Variants in ATP10D observed in about 807,000 individuals in gnomAD.
ATP10D encodes ATPase phospholipid transporting 10D (putative).
In ATP10D, 89 loss-of-function variants were observed where a neutral mutation model predicts 144.8. The ratio of observed to expected loss-of-function variants is 0.61; its 90% CI spans 0.52 to 0.73. ATP10D has a LOEUF of 0.73. Among genes scored for constraint, ATP10D ranks in the 30% least tolerant of loss-of-function variants. The pLI is 0.00. For synonymous variants in ATP10D, 571 were observed against 615.1 expected (o/e 0.93, Z 1.06); for missense variants, 1,603 against 1,714.8 (o/e 0.93, Z 1.15).
chr4:47,507,461 T>A (rs1716078616), intron 1 of ATP10D, among the ~76,000 whole-genome samples: 1 of 152,176 alleles, frequency 6.6e-6, no homozygotes, highest in Non-Finnish European at 1.5e-5. Flanking sequence ...CTTTCAGGCC[T>A]GGAGAAGCAG....
chr4:47,513,760 G>T (rs1283520236), intron 2 of ATP10D, among the ~76,000 whole-genome samples: 1 of 152,198 alleles, frequency 6.6e-6, no homozygotes, highest in Non-Finnish European at 1.5e-5. Flanking sequence ...TCAGGATAAA[G>T]AGTTGAGGGC....
intron 1 of ATP10D, among the ~76,000 whole-genome samples, chr4:47,491,658 G>C (rs1231247912): frequency 1.3e-5 from 2 of 152,068 alleles, no homozygotes; most frequent in Non-Finnish European, 2.9e-5. Context: ...ATTTGTACTT[G>C]AAACTGCTGC....
intron 11 of ATP10D, 116 bp from the exon 12 acceptor site, chr4:47,557,548 T>C: frequency 9.5e-7 from 1 of 1,054,846 alleles, no homozygotes; most frequent in Non-Finnish European, 1.3e-6. Flanking sequence ...AATGGGCTGC[T>C]AGCCATTTAA....
intron 16 of ATP10D, 49 bp from the exon 17 acceptor site, chr4:47,572,105 C>A: frequency 3.9e-6 from 6 of 1,552,154 alleles, no homozygotes; most frequent in Non-Finnish European, 5.3e-6. Context: ...CATTTACACC[C>A]TTTCTTTACT....
intron 1 of ATP10D, among the ~76,000 whole-genome samples, chr4:47,493,250 C>A (rs1447017682): frequency 6.6e-6 from 1 of 152,120 alleles, no homozygotes; most frequent in Non-Finnish European, 1.5e-5. Context: ...GCATAAAAAT[C>A]ATATTTAATG....
At chr4:47,531,167 AT>A (rs1717549617) in intron 5 of ATP10D, among the ~76,000 whole-genome samples, 1 of 152,168 alleles carries the variant, frequency 6.6e-6, no homozygotes, top group Non-Finnish European at 1.5e-5. Context: ...TCTTTTATTA[AT>A]GATTCAATTT....
At chr4:47,526,237 T>C (rs916958580) in intron 5 of ATP10D, among the ~76,000 whole-genome samples, 3 of 152,176 alleles carry the variant, frequency 2.0e-5, no homozygotes, top group Non-Finnish European at 4.4e-5. Context: ...TCCCCAAAAA[T>C]CAGGTTTGGT....
chr4:47,582,039 A>T lies in ATP10D; in HGVS notation c.3728A>T (p.His1243Leu), dbSNP rs765901941. ...NTAALFIVLL[H>L]LVIESKSLTW... ...GCCGCTCTGTTCATCGTTCTCCTCC[A>T]TCTGGTCATTGAAAGCAAGAGTTTG... The change falls in exon 21 of 23, where the codon CAT (histidine) becomes CTT (leucine). Residue 1243 changes from histidine (H) to leucine (L), a missense_variant. Coordinates refer to ENST00000273859, the MANE Select transcript of ATP10D (RefSeq NM_020453.4). 4 of 1,613,812 alleles carry T rather than the reference A, an allele frequency of 2.5e-6. No homozygotes were observed. The highest frequency in any genetic ancestry group is 3.4e-6 in the Non-Finnish European group (4 of 1,179,846).
intron 19 of ATP10D, among the ~76,000 whole-genome samples, 192 bp from the exon 20 acceptor site, chr4:47,580,206 G>C (rs938645780): frequency 1.3e-5 from 2 of 152,140 alleles, no homozygotes; most frequent in African/African-American, 4.8e-5. Context: ...GTTCCTTCAA[G>C]GATTTTTTTC....
chr4:47,550,443 G>T (rs1718675987), intron 10 of ATP10D, among the ~76,000 whole-genome samples: 1 of 152,084 alleles, frequency 6.6e-6, no homozygotes. Context: ...AAAGGAAGGA[G>T]TAAACCTGAA....
chr4:47,546,171 G>A (rs955050724), intron 9 of ATP10D, among the ~76,000 whole-genome samples: 8 of 152,188 alleles, frequency 5.3e-5, no homozygotes. Context: ...GGAGCTCATT[G>A]GTGACCTTGA....
rs777199623 is a variant in ATP10D at position 47,557,898 on chromosome 4, A to G, written c.2059A>G (p.Ser687Gly). The G allele has an allele frequency of 1.2e-6, 2 of 1,614,228 alleles. No individual in the cohort carries two copies. Among genetic ancestry groups the G allele is most frequent in the Admixed American group, 3.3e-5 (2 of 60,034 alleles). Residue 687 changes from serine to glycine, a missense_variant, in exon 12 of 23, where the codon AGT becomes GGT. By Grantham distance (56) the Ser-to-Gly change is moderately conservative. Coordinates refer to ENST00000273859, the MANE Select transcript of ATP10D (RefSeq NM_020453.4). The stretch of plus-strand genomic sequence containing the variant: ...GGTGTGTGAGAGCCCCCAGTGCTCC[A>G]GTAGCTCAGCTTGCTGCACAGAAAC... ...SQVCESPQCS[S>G]SSACCTETEK... is the part of the protein sequence containing the mutation.
chr4:47,527,011 A>T (rs1327923984), intron 5 of ATP10D, among the ~76,000 whole-genome samples: 1 of 152,172 alleles, frequency 6.6e-6, no homozygotes, highest in Non-Finnish European at 1.5e-5. Flanking sequence ...TTTTGAAAAA[A>T]CAAGAAAAAA....
intron 9 of ATP10D, 28 bp from the exon 10 acceptor site, chr4:47,546,596 T>A (rs1718444399): frequency 3.1e-6 from 5 of 1,597,544 alleles, no homozygotes; most frequent in East Asian, 4.5e-5. Context: ...TTCTCAGACA[T>A]TGACTCAGTG....
chr4:47,547,654 G>GTC (rs906874298), intron 10 of ATP10D: 17 of 141,644 alleles, frequency 1.2e-4, no homozygotes, highest in Admixed American at 1.0e-3. Context: ...CAAAATAGGT[G>GTC]ACAACAAGAA....
chr4:47,541,188 C>T (rs1718116102), intron 9 of ATP10D, among the ~76,000 whole-genome samples: 1 of 152,122 alleles, frequency 6.6e-6, no homozygotes, highest in African/African-American at 2.4e-5. Flanking sequence ...GCAAATGGCA[C>T]AAAATGAGTT....
chr4:47,539,363 T>C (rs1718015687), intron 9 of ATP10D, among the ~76,000 whole-genome samples: 1 of 152,164 alleles, frequency 6.6e-6, no homozygotes, highest in Admixed American at 6.5e-5. Context: ...GCTAATCATA[T>C]TGAATATGAT....
intron 1 of ATP10D, chr4:47,491,055 T>C: frequency 1.4e-6 from 1 of 724,560 alleles, no homozygotes; most frequent in East Asian, 2.9e-5. Flanking sequence ...CAAAGTGTGC[T>C]TCTCTGGGTG....
chr4:47,556,528 G>A (rs568832822), intron 11 of ATP10D, among the ~76,000 whole-genome samples: 10 of 152,102 alleles, frequency 6.6e-5, no homozygotes, highest in Non-Finnish European at 1.3e-4. Flanking sequence ...TCTACTGCTT[G>A]AAAGAAAATC....
Sources: gnomAD v4.1 joint callset for allele counts (sites outside exome capture counted in the v4.1 genomes callset) on GRCh38, gnomAD v4.1.1 for gene constraint, MANE v1.5 for transcripts, NCBI Gene and HGNC (gene_info 2026-07-23, HGNC 2026-07-21) for gene names.